The following TATDN1 variants were observed in gnomAD, a reference collection of about 807,000 sequenced individuals.
The protein encoded by TATDN1 is deoxyribonuclease TATDN1.
A neutral mutation model predicts 46.4 loss-of-function variants in TATDN1; 40 were observed. That is an observed-to-expected ratio of 0.86 (90% CI 0.67 to 1.12). The LOEUF is 1.12. TATDN1 is among the 50% of genes most tolerant of loss of function. TATDN1 has a pLI of 0.00. For synonymous variants in TATDN1, 95 were observed against 105.6 expected, an observed-to-expected ratio of 0.90 and a Z score of 0.62; for missense variants, 326 against 348.4, an observed-to-expected ratio of 0.94 and a Z score of 0.51.
rs199509364 is a variant in TATDN1 at position 124,508,704 on chromosome 8, A to G, written c.390-16T>C. 2 of 1,467,496 alleles carry G rather than the reference A, an allele frequency of 1.4e-6. No individual in the cohort carries two copies. Among genetic ancestry groups the G allele is most frequent in the Non-Finnish European group, 1.8e-6 (2 of 1,094,278 alleles). 90.9% of individuals were successfully genotyped at this position (1,467,496 alleles called of 1,614,324 possible). A position where few individuals can be genotyped will look rare whatever the true frequency, so the allele number is the denominator to read the frequency against. ...TTCAAAATATCTGCATAATGCAAAA[A>G]AAAAAAATTCTCATTACAAATTGTA... On this transcript the variant is annotated splice_polypyrimidine_tract_variant and intron_variant, in intron 6 of 11. Coordinates refer to ENST00000276692, the MANE Select transcript of TATDN1 (RefSeq NM_032026.4).
At chr8:124,531,109 G>C (rs1041284030) in intron 1 of TATDN1, among the ~76,000 whole-genome samples, 18 of 152,062 alleles carry the variant, frequency 1.2e-4, no homozygotes, top group Non-Finnish European at 2.9e-5. Flanking sequence ...TGGAGTTTAT[G>C]GCCTGTTGGG....
chr8:124,504,531 C>T (rs1453189755), intron 8 of TATDN1, 184 bp from the exon 9 acceptor site: 1 of 398,722 alleles, frequency 2.5e-6, no homozygotes, highest in Non-Finnish European at 4.5e-6. Context: ...AACCTGTCAT[C>T]ATCTCCAGTG....
intron 6 of TATDN1, among the ~76,000 whole-genome samples, chr8:124,515,453 C>T (rs544875470): frequency 6.6e-6 from 1 of 152,152 alleles, no homozygotes; most frequent in African/African-American, 2.4e-5. Flanking sequence ...CGTATGAATG[C>T]GTCTGTTAAA....
At chr8:124,499,099 C>T (rs1299504299) in intron 9 of TATDN1, among the ~76,000 whole-genome samples, 1 of 151,800 alleles carries the variant, frequency 6.6e-6, no homozygotes, top group African/African-American at 2.4e-5. Flanking sequence ...CATTTCTTAG[C>T]AAAACTCTGG....
chr8:124,500,832 C>T (rs750627078), intron 9 of TATDN1, among the ~76,000 whole-genome samples: 12 of 151,212 alleles, frequency 7.9e-5, no homozygotes, highest in Non-Finnish European at 1.5e-5. Flanking sequence ...ATATGTTACC[C>T]CAAATCACAA....
intron 11 of TATDN1, among the ~76,000 whole-genome samples, chr8:124,492,770 AAAG>A (rs1280666722): frequency 6.6e-6 from 1 of 151,894 alleles, no homozygotes; most frequent in Admixed American, 6.6e-5. Flanking sequence ...AAAAAAAAAA[AAAG>A]ATTTAGAAAT....
chr8:124,519,919 G>A lies in TATDN1; in HGVS notation c.139-1038C>T, dbSNP rs74864513. Among the ~76,000 whole-genome samples, 39 of 152,210 alleles carry A rather than the reference G, an allele frequency of 2.6e-4. 3 individuals carry two copies. The East Asian group carries it at 6.8e-3, about 26-fold the overall frequency. On this transcript the variant is annotated intron_variant, in intron 3 of 11. Coordinates refer to ENST00000276692, the MANE Select transcript of TATDN1 (RefSeq NM_032026.4). Reference sequence around the variant, plus strand: ...GTAAGGGGCGCCTTCTTCTGAAGACGTGATTCAAGTATAATGATGTATATT... The same window carrying A: ...GTAAGGGGCGCCTTCTTCTGAAGACATGATTCAAGTATAATGATGTATATT...
intron 9 of TATDN1, among the ~76,000 whole-genome samples, chr8:124,501,779 G>A (rs1817989397): frequency 6.6e-6 from 1 of 152,064 alleles, no homozygotes; most frequent in South Asian, 2.1e-4. Flanking sequence ...CCAAGGACGG[G>A]TAAAGATGTG....
chr8:124,514,277 G>A (rs765597537), intron 6 of TATDN1, among the ~76,000 whole-genome samples: 1 of 152,186 alleles, frequency 6.6e-6, no homozygotes, highest in Non-Finnish European at 1.5e-5. Flanking sequence ...AGGGAGGGAA[G>A]CGGGAGGAAG....
At chr8:124,533,221 C>T (rs534950707) in intron 1 of TATDN1, among the ~76,000 whole-genome samples, 1 of 150,756 alleles carries the variant, frequency 6.6e-6, no homozygotes, top group South Asian at 2.1e-4. Flanking sequence ...CACTGCACTA[C>T]AGCCTGGGCG....
rs1408341343 is a variant in TATDN1 at position 124,495,531 on chromosome 8, G to T, written c.605C>A (p.Thr202Asn). 6.2e-7 allele frequency: 1 copy of T among 1,601,810 alleles called. No individual in the cohort carries two copies. The highest frequency in any genetic ancestry group is 8.5e-7 in the Non-Finnish European group (1 of 1,175,898). The change falls in exon 10 of 12, where the codon ACT (threonine) becomes AAT (asparagine). Residue 202 changes from threonine to asparagine, a missense_variant. Physicochemically the swap from Thr to Asn is moderately conservative, Grantham distance 65. Coordinates refer to ENST00000276692, the MANE Select transcript of TATDN1 (RefSeq NM_032026.4). ...CTTCAAAACTTCCAAATTAGCTTCA[G>T]TTTTCAGTGAGCTTAAAAAAAAGTG... is the stretch of plus-strand genomic sequence containing the variant. ...YIGFNGCSLK[T>N]EANLEVLKSI...
At chr8:124,524,057 T>C (rs985707984) in intron 1 of TATDN1, among the ~76,000 whole-genome samples, 1 of 152,212 alleles carries the variant, frequency 6.6e-6, no homozygotes, top group Non-Finnish European at 1.5e-5. Flanking sequence ...GGTAGGCAGC[T>C]GATTACCAAC....
In TATDN1 at chr8:124,520,670, C is replaced by T. The variant is rs1047480615; in HGVS notation, c.138+1481G>A. ...TAAAATAACGATGATGGGCCTGGCG[C>T]GGTGGCTCAAGCCTGTAATCCCAGC... On this transcript the variant is annotated intron_variant, in intron 3 of 11. Coordinates refer to ENST00000276692, the MANE Select transcript of TATDN1 (RefSeq NM_032026.4). Among the ~76,000 whole-genome samples, 18 of 151,992 alleles carry T rather than the reference C, an allele frequency of 1.2e-4. No homozygotes were observed. In the South Asian group the frequency reaches 1.2e-3, roughly 11 times the overall value.
chr8:124,516,994 T>C (rs1160381252), intron 4 of TATDN1, among the ~76,000 whole-genome samples: 1 of 152,268 alleles, frequency 6.6e-6, no homozygotes, highest in South Asian at 2.1e-4. Flanking sequence ...AGAAGTTACA[T>C]GGAGAGGAGT....
intron 6 of TATDN1, among the ~76,000 whole-genome samples, chr8:124,510,954 A>G (rs1400706276): frequency 6.6e-6 from 1 of 152,194 alleles, no homozygotes; most frequent in Admixed American, 6.5e-5. Flanking sequence ...GGTAAAAAAA[A>G]TTATTCCTAA....
intron 11 of TATDN1, 107 bp from the exon 12 acceptor site, chr8:124,488,803 A>G (rs368583630): frequency 1.4e-6 from 1 of 697,994 alleles, no homozygotes; most frequent in Non-Finnish European, 2.5e-6. Context: ...CACCTTTAAT[A>G]TAATAAAGCT....
intron 1 of TATDN1, among the ~76,000 whole-genome samples, chr8:124,535,918 A>C (rs929290563): frequency 6.6e-6 from 1 of 152,202 alleles, no homozygotes; most frequent in African/African-American, 2.4e-5. Flanking sequence ...ATCCACCCCC[A>C]TGAGATGGAT....
Position 124,515,992 on chromosome 8 carries a change from A to T in TATDN1, c.241T>A (p.Cys81Ser). ...FSTVGCHPTR[C>S]GEFEKNNPDL... ...GGGTTATTCTTTTCAAATTCACCAC[A>T]TCTTGTAGGATGACATCCAACTGTA... The change falls in exon 5 of 12, where the codon TGT (cysteine) becomes AGT (serine). Residue 81 changes from cysteine to serine, a missense_variant. By Grantham distance (112) the Cys-to-Ser change is moderately radical. Transcript: ENST00000276692. The T allele has an allele frequency of 1.9e-6, 3 of 1,613,784 alleles. No individual in the cohort carries two copies. The highest frequency in any genetic ancestry group is 2.5e-6 in the Non-Finnish European group (3 of 1,179,900).
In TATDN1 at chr8:124,502,415, GA is replaced by G. The variant is rs113629102; in HGVS notation, c.593+1855del. ...AGGCTAACTTGTAAGAGGAAGAGCA[GA>G]AAAAAAATTCATTTTCAAAATGGGA... is the stretch of plus-strand genomic sequence containing the variant. On this transcript the variant is annotated intron_variant, in intron 9 of 11. Transcript: ENST00000276692. Among the ~76,000 whole-genome samples, 1,100 of 151,544 alleles carry G rather than the reference GA, an allele frequency of 7.3e-3. 13 individuals carry two copies. Among genetic ancestry groups the G allele is most frequent in the African/African-American group, 0.026 (1,058 of 41,274 alleles).
Sources: allele counts gnomAD v4.1 joint callset (sites outside exome capture counted in the v4.1 genomes callset), GRCh38; gene constraint gnomAD v4.1.1; transcripts MANE v1.5; gene names NCBI Gene and HGNC (gene_info 2026-07-23, HGNC 2026-07-21).